The following CSMD1 variants were observed in gnomAD, a reference collection of about 807,000 sequenced individuals.
The protein encoded by CSMD1 is CUB and Sushi multiple domains 1, also known as CUB and sushi domain-containing protein 1.
CSMD1 carries 213 observed loss-of-function variants against 417.5 expected under a neutral mutation model. The ratio of observed to expected loss-of-function variants is 0.51; its 90% CI spans 0.46 to 0.57. The LOEUF (loss-of-function observed/expected upper bound fraction) is 0.57, where lower values mean the gene tolerates loss of function less well. Ranked by LOEUF, CSMD1 falls within the 20% of genes least tolerant of loss-of-function variation. CSMD1 has a pLI of 0.00. For synonymous variants in CSMD1, 2,862 were observed against 1,736.8 expected (o/e 1.65, Z -16.11); for missense variants, 6,923 against 4,529.7 (o/e 1.53, Z -15.17).
chr8:3,641,753 C>G (rs1469832847), intron 7 of CSMD1, among the ~76,000 whole-genome samples: 1 of 152,178 alleles, frequency 6.6e-6, no homozygotes, highest in African/African-American at 2.4e-5. Flanking sequence ...CTCCCTGCTA[C>G]CACTCGGTAC....
intron 1 of CSMD1, among the ~76,000 whole-genome samples, chr8:4,712,410 C>G (rs1808364706): frequency 6.6e-6 from 1 of 152,150 alleles, no homozygotes; most frequent in African/African-American, 2.4e-5. Flanking sequence ...AAAAATAAAA[C>G]CAGAAGGATG....
At chr8:4,878,500 A>G (rs1395964930) in intron 1 of CSMD1, among the ~76,000 whole-genome samples, 2 of 151,872 alleles carry the variant, frequency 1.3e-5, no homozygotes, top group East Asian at 1.9e-4. Flanking sequence ...GATGATGATG[A>G]TGATGATGAT....
chr8:3,209,024 T>C lies in CSMD1; in HGVS notation c.4868-3404A>G, dbSNP rs1388207525. Among the ~76,000 whole-genome samples the C allele has an allele frequency of 2.0e-5, 3 of 152,190 alleles. No homozygotes were observed. The East Asian group carries it at 5.8e-4, about 29-fold the overall frequency. ...GAACTCTAATACATGTTTCAAAGTA[T>C]AACTACAAAGAAACACTTTGTGCAA... On this transcript the variant is annotated intron_variant, in intron 30 of 69. Coordinates refer to ENST00000635120, the MANE Select transcript of CSMD1 (RefSeq NM_033225.6).
chr8:3,783,765 G>A (rs924507701), intron 5 of CSMD1, among the ~76,000 whole-genome samples: 4 of 152,142 alleles, frequency 2.6e-5, no homozygotes, highest in African/African-American at 7.2e-5. Context: ...TGCATATAAG[G>A]GGAAAAGAAA....
At chr8:2,972,602 G>A (rs960487571) in intron 57 of CSMD1, among the ~76,000 whole-genome samples, 15 of 152,090 alleles carry the variant, frequency 9.9e-5, no homozygotes, top group African/African-American at 3.6e-4. Context: ...CACTTCCTAC[G>A]ATGCCTCTCA....
chr8:3,020,733 G>A (rs925334920), intron 51 of CSMD1, among the ~76,000 whole-genome samples: 14 of 152,110 alleles, frequency 9.2e-5, no homozygotes, highest in Admixed American at 2.6e-4. Flanking sequence ...CACCCAGACT[G>A]AGTTTTCTGT....
intron 1 of CSMD1, among the ~76,000 whole-genome samples, chr8:4,830,131 C>T (rs1253981277): frequency 6.6e-6 from 1 of 152,076 alleles, no homozygotes; most frequent in African/African-American, 2.4e-5. Context: ...CTGCAAAGGC[C>T]CTGAATCACT....
intron 1 of CSMD1, among the ~76,000 whole-genome samples, chr8:4,959,758 G>C (rs1043796330): frequency 1.3e-5 from 2 of 152,190 alleles, no homozygotes; most frequent in African/African-American, 4.8e-5. Flanking sequence ...AAGTCTTCCT[G>C]TACGTGACCT....
intron 2 of CSMD1, among the ~76,000 whole-genome samples, chr8:4,604,408 T>TGTGTGTGC (rs1554522689): frequency 1.7e-5 from 1 of 59,392 alleles, no homozygotes; most frequent in Non-Finnish European, 5.9e-5. Context: ...TGTGTGTGTG[T>TGTGTGTGC]GTGCGCGTGC....
At chr8:4,928,905 C>T (rs914421844) in intron 1 of CSMD1, among the ~76,000 whole-genome samples, 1 of 151,996 alleles carries the variant, frequency 6.6e-6, no homozygotes. Flanking sequence ...CCCATCTCAA[C>T]TAAAAATATA....
chr8:3,404,689 C>G (rs999093282), intron 15 of CSMD1, among the ~76,000 whole-genome samples: 2 of 152,046 alleles, frequency 1.3e-5, no homozygotes, highest in African/African-American at 4.8e-5. Context: ...TCACCCATAA[C>G]CATAATTAAC....
intron 8 of CSMD1, among the ~76,000 whole-genome samples, chr8:3,604,792 T>A (rs1056184455): frequency 6.6e-6 from 1 of 152,084 alleles, no homozygotes; most frequent in Non-Finnish European, 1.5e-5. Flanking sequence ...GCTTGTGGTA[T>A]CCAAGGGCAT....
chr8:3,562,642 T>C (rs1799519804), intron 10 of CSMD1, among the ~76,000 whole-genome samples: 1 of 152,094 alleles, frequency 6.6e-6, no homozygotes, highest in Non-Finnish European at 1.5e-5. Flanking sequence ...ATATCCTGGA[T>C]CTGTGAAACA....
At chr8:4,473,441 G>A (rs1051535011) in intron 2 of CSMD1, among the ~76,000 whole-genome samples, 2 of 152,244 alleles carry the variant, frequency 1.3e-5, no homozygotes, top group African/African-American at 4.8e-5. Flanking sequence ...GTATTATTTT[G>A]TTTCATAAGC....
At chr8:3,562,582 AT>A (rs940451904) in intron 10 of CSMD1, among the ~76,000 whole-genome samples, 1 of 152,260 alleles carries the variant, frequency 6.6e-6, no homozygotes, top group South Asian at 2.1e-4. Context: ...TAATATGCTT[AT>A]TTTTTTAACT....
At chr8:4,912,135 A>AAAAAG (rs1554518067) in intron 1 of CSMD1, among the ~76,000 whole-genome samples, 4 of 115,612 alleles carry the variant, frequency 3.5e-5, no homozygotes, top group Non-Finnish European at 7.6e-5. Flanking sequence ...AAAAAAAAAA[A>AAAAAG]AAAAAAGAAA....
At chr8:3,806,767 A>C (rs1420276873) in intron 5 of CSMD1, among the ~76,000 whole-genome samples, 3 of 152,192 alleles carry the variant, frequency 2.0e-5, no homozygotes. Flanking sequence ...GTAATGCAAA[A>C]TGTTAGTTGT....
chr8:3,463,947 T>C (rs1816661075), intron 12 of CSMD1, among the ~76,000 whole-genome samples: 1 of 152,164 alleles, frequency 6.6e-6, no homozygotes, highest in South Asian at 2.1e-4. Context: ...ATTTCCATTC[T>C]CTTATTATCA....
chr8:4,432,094 G>C (rs1402936014), intron 2 of CSMD1, among the ~76,000 whole-genome samples: 13 of 152,106 alleles, frequency 8.5e-5, no homozygotes. Context: ...AGAAATATTG[G>C]CTATTGAGTT....
Sources: allele counts gnomAD v4.1 joint callset (sites outside exome capture counted in the v4.1 genomes callset), GRCh38; gene constraint gnomAD v4.1.1; transcripts MANE v1.5; gene names NCBI Gene and HGNC (gene_info 2026-07-23, HGNC 2026-07-21).